The following SLC20A1 variants were observed in gnomAD, a reference collection of about 807,000 sequenced individuals.
SLC20A1 encodes the protein sodium-dependent phosphate transporter 1.
SLC20A1 carries 28 observed loss-of-function variants against 62.7 expected under a neutral mutation model. The ratio of observed to expected loss-of-function variants is 0.45; its 90% confidence interval spans 0.33 to 0.61. The LOEUF is 0.61. Among genes scored for constraint, SLC20A1 ranks in the 20% least tolerant of loss-of-function variants. The pLI, the probability that SLC20A1 is intolerant of heterozygous loss-of-function variation, is 0.02. For missense variants in SLC20A1, 673 were observed against 838.6 expected (o/e 0.80, Z 2.44); for synonymous variants, 305 against 302.9 (o/e 1.01, Z -0.07).
intron 4 of SLC20A1, among the ~76,000 whole-genome samples, chr2:112,650,531 A>G (rs906935646): frequency 1.1e-4 from 17 of 151,492 alleles, no homozygotes; most frequent in Admixed American, 6.6e-4. Flanking sequence ...GGGTTTCACC[A>G]CGTTGGTCAA....
intron 4 of SLC20A1, among the ~76,000 whole-genome samples, chr2:112,648,277 A>G (rs913401488): frequency 6.6e-6 from 1 of 152,148 alleles, no homozygotes; most frequent in Non-Finnish European, 1.5e-5. Flanking sequence ...CCCGCCCCCC[A>G]AAAAAACTTC....
intron 5 of SLC20A1, 40 bp from the exon 6 acceptor site, chr2:112,657,082 T>C: frequency 6.2e-7 from 1 of 1,613,346 alleles, no homozygotes; most frequent in Non-Finnish European, 8.5e-7. Flanking sequence ...CAGGGGGCTG[T>C]TGCCCTGGGG....
Position 112,659,212 on chromosome 2 carries a change from C to G in SLC20A1, c.1057C>G (p.Gln353Glu). The G allele has an allele frequency of 6.2e-7, 1 of 1,612,914 alleles. No homozygotes were observed. Among genetic ancestry groups the G allele is most frequent in the Non-Finnish European group, 8.5e-7 (1 of 1,179,060 alleles). Residue 353 changes from glutamine (Q) to glutamate (E), a missense_variant, in exon 8 of 11, where the codon CAG becomes GAG. Coordinates refer to ENST00000272542, the MANE Select transcript of SLC20A1 (RefSeq NM_005415.5). ...TTGGTGATCTTGACTAGGTGCAGTG[C>G]AGTTGCCTAATGGGAACCTTGTCCA... is the stretch of plus-strand genomic sequence containing the variant. ...SIDSTVNGAV[Q>E]LPNGNLVQFS...
At position 112,661,132 on chromosome 2, in the gene SLC20A1, G is replaced by T. The variant is rs1686738023; in HGVS notation, c.1794-10G>T. On this transcript the variant is annotated splice_polypyrimidine_tract_variant and intron_variant, in intron 9 of 10. Transcript: ENST00000272542. ...CTCACTTCCTGACAAGAATCCTTTTGTGTCTGTAGTGGCTTCAGTATTGAA... is the reference window on the plus strand; with the variant it reads ...CTCACTTCCTGACAAGAATCCTTTTTTGTCTGTAGTGGCTTCAGTATTGAA... The T allele has an allele frequency of 1.2e-6, 2 of 1,611,246 alleles. No individual in the cohort carries two copies. The highest frequency in any genetic ancestry group is 8.5e-7 in the Non-Finnish European group (1 of 1,177,648).
At chr2:112,662,835 C>T (rs369297701) in intron 10 of SLC20A1, 29 bp from the exon 11 acceptor site, 3 of 1,610,454 alleles carry the variant, frequency 1.9e-6, no homozygotes, top group African/African-American at 1.3e-5. Context: ...ACTTCAATAA[C>T]CTGTTTCCTT....
Position 112,659,523 on chromosome 2 carries a change from G to A in SLC20A1, c.1368G>A (p.Lys456=). 2 of 1,614,236 alleles carry A rather than the reference G, an allele frequency of 1.2e-6. No individual in the cohort carries two copies. Among genetic ancestry groups the A allele is most frequent in the Non-Finnish European group, 1.7e-6 (2 of 1,180,056 alleles). Residue 456 remains lysine, a synonymous_variant, in exon 8 of 11, where the codon AAG becomes AAA. Transcript: ENST00000272542. ...EKLTWPNADS[K]KRIRMDSYTS... is the part of the protein sequence containing the mutation. ...TGACATGGCCTAATGCAGACTCCAAGAAGCGAATTCGAATGGACAGTTACA... is the reference window on the plus strand; with the variant it reads ...TGACATGGCCTAATGCAGACTCCAAAAAGCGAATTCGAATGGACAGTTACA...
intron 10 of SLC20A1, 126 bp downstream of exon 10, chr2:112,661,352 T>A (rs1686743607): frequency 1.6e-6 from 1 of 628,532 alleles, no homozygotes. Flanking sequence ...GTTCATAAGT[T>A]ATTTCTTGTG....
At position 112,652,843 on chromosome 2, in the gene SLC20A1, A is replaced by G. The variant is rs760436289; in HGVS notation, c.658+45A>G. On this transcript the variant is annotated intron_variant, in intron 5 of 10. Coordinates refer to ENST00000272542, the MANE Select transcript of SLC20A1 (RefSeq NM_005415.5). Reference sequence around the variant, plus strand: ...TTTAAATGTGAATTTAAAGTTGTTTACAAAACTTGCATTAAATGCCCAATT... The same window carrying G: ...TTTAAATGTGAATTTAAAGTTGTTTGCAAAACTTGCATTAAATGCCCAATT... The G allele has an allele frequency of 6.8e-6, 11 of 1,612,226 alleles. No homozygotes were observed. The East Asian group carries it at 2.2e-4, about 33-fold the overall frequency.
At chr2:112,654,336 G>A (rs576050985) in intron 5 of SLC20A1, among the ~76,000 whole-genome samples, 5 of 152,256 alleles carry the variant, frequency 3.3e-5, no homozygotes, top group African/African-American at 1.2e-4. Flanking sequence ...CTCCCATGAT[G>A]CTCTTAACAC....
At chr2:112,653,107 G>A in intron 5 of SLC20A1, 1 of 466,174 alleles carries the variant, frequency 2.1e-6, no homozygotes, top group Non-Finnish European at 3.9e-6. Flanking sequence ...AATTAATACT[G>A]ACCTCAACTA....
intron 6 of SLC20A1, 23 bp downstream of exon 6, chr2:112,657,264 A>G (rs1285863159): frequency 1.2e-6 from 2 of 1,605,654 alleles, no homozygotes; most frequent in Non-Finnish European, 1.7e-6. Flanking sequence ...TAAACAGCAG[A>G]AAAGTTTAAC....
At position 112,658,835 on chromosome 2, in the gene SLC20A1, G is replaced by A. The variant is rs1342098838; in HGVS notation, c.789G>A (p.Lys263=). The A allele has an allele frequency of 2.5e-6, 4 of 1,609,498 alleles. No individual in the cohort carries two copies. Among genetic ancestry groups the A allele is most frequent in the Non-Finnish European group, 3.4e-6 (4 of 1,177,622 alleles). ...RMKRKIEREI[K]CSPSESPLME... is the part of the protein sequence containing the mutation. ...CCTTTTTTTTCCTAGGAGAAATAAA[G>A]TGTAGTCCTTCTGAAAGCCCCTTAA... is the stretch of plus-strand genomic sequence containing the variant. Residue 263 remains lysine, a synonymous_variant, in exon 7 of 11, where the codon AAG becomes AAA. Coordinates refer to ENST00000272542, the MANE Select transcript of SLC20A1 (RefSeq NM_005415.5).
At position 112,663,241 on chromosome 2, in the gene SLC20A1, C is replaced by T; in HGVS notation, c.*216C>T. 1 of 631,006 alleles carries T rather than the reference C, an allele frequency of 1.6e-6. No homozygotes were observed. Among genetic ancestry groups the T allele is most frequent in the East Asian group, 3.5e-5 (1 of 28,534 alleles). 39.1% of individuals were successfully genotyped at this position (631,006 alleles called of 1,614,324 possible). A position where few individuals can be genotyped will look rare whatever the true frequency, so the allele number is the denominator to read the frequency against. ...AAAATAGCCCGGGTTCCACTGGCTC[C>T]TGCTGAGGTCCCCTTTCCTTCTGGG... On this transcript the variant is annotated 3_prime_UTR_variant, in exon 11 of 11. Coordinates refer to ENST00000272542, the MANE Select transcript of SLC20A1 (RefSeq NM_005415.5).
At chr2:112,652,846 A>G in intron 5 of SLC20A1, 48 bp downstream of exon 5, 1 of 1,612,654 alleles carries the variant, frequency 6.2e-7, no homozygotes, top group Non-Finnish European at 8.5e-7. Context: ...GTTGTTTACA[A>G]AACTTGCATT....
rs759943275 is a variant in SLC20A1 at position 112,660,434 on chromosome 2, G to A, written c.1655G>A (p.Gly552Glu). 8.1e-6 allele frequency: 13 copies of A among 1,614,036 alleles called. No homozygotes were observed. The South Asian group carries it at 1.1e-4, about 14-fold the overall frequency. Residue 552 changes from glycine to glutamate, a missense_variant, in exon 9 of 11, where the codon GGA becomes GAA. Coordinates refer to ENST00000272542, the MANE Select transcript of SLC20A1 (RefSeq NM_005415.5). Reference protein sequence around the residue: ...LVALYLVYDTGDVSSKVATPI... With the variant: ...LVALYLVYDTEDVSSKVATPI... ...GCTTTATATTTGGTTTATGACACAGGAGATGTTTCTTCAAAAGTGGCAACA... is the reference window on the plus strand; with the variant it reads ...GCTTTATATTTGGTTTATGACACAGAAGATGTTTCTTCAAAAGTGGCAACA...
At chr2:112,650,813 G>A (rs1323258356) in intron 4 of SLC20A1, among the ~76,000 whole-genome samples, 1 of 152,014 alleles carries the variant, frequency 6.6e-6, no homozygotes, top group Non-Finnish European at 1.5e-5. Context: ...TATAGAGGTG[G>A]AGTCTTGCTC....
intron 4 of SLC20A1, among the ~76,000 whole-genome samples, chr2:112,649,906 A>G (rs994109855): frequency 2.0e-5 from 3 of 152,180 alleles, no homozygotes; most frequent in African/African-American, 7.2e-5. Flanking sequence ...TGACTAGACG[A>G]TGAGGCATTC....
chr2:112,660,296 T>C (rs1686711710), intron 8 of SLC20A1, 91 bp from the exon 9 acceptor site: 6 of 1,161,788 alleles, frequency 5.2e-6, no homozygotes, highest in Middle Eastern at 2.0e-4. Context: ...AGCTGTACTT[T>C]AGACAACCTG....
Position 112,659,679 on chromosome 2 carries a change from G to A in SLC20A1, c.1524G>A (p.Lys508=). Residue 508 remains lysine, a synonymous_variant, in exon 8 of 11, where the codon AAG becomes AAA. Coordinates refer to ENST00000272542, the MANE Select transcript of SLC20A1 (RefSeq NM_005415.5). The part of the protein sequence containing the change: ...GSLEEWYDQD[K]PEVSLLFQFL... Reference sequence around the variant, plus strand: ...TAGAAGAATGGTATGACCAGGATAAGCCTGAAGTCTCTCTCCTCTTCCAGT... The same window carrying A: ...TAGAAGAATGGTATGACCAGGATAAACCTGAAGTCTCTCTCCTCTTCCAGT... 1 of 1,614,246 alleles carries A rather than the reference G, an allele frequency of 6.2e-7. No homozygotes were observed. The highest frequency in any genetic ancestry group is 8.5e-7 in the Non-Finnish European group (1 of 1,180,038).
Sources: gnomAD v4.1 joint callset for allele counts (sites outside exome capture counted in the v4.1 genomes callset) on GRCh38, gnomAD v4.1.1 for gene constraint, MANE v1.5 for transcripts, NCBI Gene and HGNC (gene_info 2026-07-23, HGNC 2026-07-21) for gene names.